The following GFRA4 variants were observed in gnomAD, a reference collection of about 807,000 sequenced individuals.
GFRA4 encodes the protein GDNF family receptor alpha 4.
GFRA4 carries 31 observed loss-of-function variants against 28.5 expected under a neutral mutation model. That is an observed-to-expected ratio of 1.09 (90% CI 0.82 to 1.47). GFRA4 has a LOEUF of 1.47. GFRA4 is among the 40% of genes most tolerant of loss of function. The pLI, the probability that GFRA4 is intolerant of heterozygous loss-of-function variation, is 0.00. For synonymous variants in GFRA4, 188 were observed against 188.0 expected (o/e 1.00, Z 0.00); for missense variants, 389 against 413.2 (o/e 0.94, Z 0.51).
Position 3,660,045 on chromosome 20 carries a change from C to T in GFRA4, c.730-56G>A, listed in dbSNP as rs1054188235. ...GGCAAAAGCCTGTCTCTGCCCTCTGCCTGCACCCCCACCCCAGGCCCTTCA... is the reference window on the plus strand; with the variant it reads ...GGCAAAAGCCTGTCTCTGCCCTCTGTCTGCACCCCCACCCCAGGCCCTTCA... On this transcript the variant is annotated intron_variant, in intron 5 of 5. Coordinates refer to ENST00000290417, the MANE Select transcript of GFRA4 (RefSeq NM_022139.4). The T allele has an allele frequency of 8.5e-6, 13 of 1,520,562 alleles. No individual in the cohort carries two copies. In the African/African-American group the frequency reaches 9.7e-5, roughly 11 times the overall value. 94.2% of individuals were successfully genotyped at this position (1,520,562 alleles called of 1,614,324 possible). A position where few individuals can be genotyped will look rare whatever the true frequency, so the allele number is the denominator to read the frequency against.
chr20:3,660,700 G>A (rs1261903591), intron 3 of GFRA4, 40 bp from the exon 4 acceptor site: 1 of 1,524,622 alleles, frequency 6.6e-7, no homozygotes, highest in African/African-American at 1.4e-5. Context: ...GCCCACCCGG[G>A]CGGAGATATC....
chr20:3,660,463 G>A, intron 4 of GFRA4, 63 bp downstream of exon 4: 1 of 1,474,724 alleles, frequency 6.8e-7, no homozygotes, highest in African/African-American at 1.4e-5. Flanking sequence ...CCAGCCAGGC[G>A]GCTTGGGAGG....
In GFRA4 at chr20:3,663,361, C is replaced by G; in HGVS notation, c.39G>C (p.Leu13=). ...GAAGAGAGGGGCGCTCACCCAGTAA[C>G]AGCAGCAGCAGCAGCGCAGGCCCCA... The part of the protein sequence containing the change: ...RCLGPALLLL[L]LLGSASSVGG... Residue 13 remains leucine, a synonymous_variant, in exon 1 of 6, where the codon CTG becomes CTC. Coordinates refer to ENST00000290417, the MANE Select transcript of GFRA4 (RefSeq NM_022139.4). 1 of 1,584,990 alleles carries G rather than the reference C, an allele frequency of 6.3e-7. No homozygotes were observed. The highest frequency in any genetic ancestry group is 8.6e-7 in the Non-Finnish European group (1 of 1,161,080).
Position 3,659,884 on chromosome 20 carries a change from G to C in GFRA4, c.*25C>G. 1.3e-6 allele frequency: 2 copies of C among 1,571,870 alleles called. No individual in the cohort carries two copies. The highest frequency in any genetic ancestry group is 2.3e-5 in the South Asian group (2 of 85,620). On this transcript the variant is annotated 3_prime_UTR_variant, in exon 6 of 6. Transcript: ENST00000290417. ...GGCAGGCAGGGTGGAGTAGCTGGCT[G>C]TGCTATCCGAGGTCGCTGTCCTAAT...
rs954711399 is a variant in GFRA4, at chr20:3,661,063, G to C, written c.273C>G (p.Pro91=). 6.9e-7 allele frequency: 1 copy of C among 1,446,078 alleles called. No individual in the cohort carries two copies. The highest frequency in any genetic ancestry group is 1.5e-5 in the African/African-American group (1 of 66,866). 89.6% of individuals were successfully genotyped at this position (1,446,078 alleles called of 1,614,324 possible). The change falls in exon 2 of 6, where the codon CCC becomes CCG. Residue 91 remains proline, a synonymous_variant. Coordinates refer to ENST00000290417, the MANE Select transcript of GFRA4 (RefSeq NM_022139.4). ...TCTGGCGCCGACGCTCGGCGCACGC[G>C]GGGCCCGCGCACGGGCAGAAGAGCA... ...HALLFCPCAG[P]ACAERRRQTF...
In GFRA4 at chr20:3,660,814, G is replaced by GGGGCGCT. The variant is rs989331937; in HGVS notation, c.436_442dup (p.Pro148GlnfsTer29). 1.4e-5 allele frequency: 20 copies of GGGGCGCT among 1,416,928 alleles called. No homozygotes were observed. The highest frequency in any genetic ancestry group is 2.2e-4 in the Middle Eastern group (1 of 4,522). The allele number at this position is 1,416,928 out of a possible 1,614,324, so 87.8% of individuals were successfully genotyped here. A position where few individuals can be genotyped will look rare whatever the true frequency, so the allele number is the denominator to read the frequency against. On this transcript the variant is annotated frameshift_variant, in exon 3 of 6. Transcript: ENST00000290417. LOFTEE classifies it high-confidence loss of function. The stretch of plus-strand genomic sequence containing the variant: ...GCCCTGGTCCAGCAGGCAGCCGTCG[G>GGGGCGCT]GGGCGCTGGGCGCTGGGGTGCACGA...
chr20:3,663,363 G>A lies in GFRA4; in HGVS notation c.37C>T (p.Leu13=). 6.3e-7 allele frequency: 1 copy of A among 1,580,590 alleles called. No homozygotes were observed. The change falls in exon 1 of 6, where the codon CTG becomes TTG. Residue 13 remains leucine (L), a synonymous_variant. Coordinates refer to ENST00000290417, the MANE Select transcript of GFRA4 (RefSeq NM_022139.4). ...AGAGAGGGGCGCTCACCCAGTAACAGCAGCAGCAGCAGCGCAGGCCCCAGG... is the reference window on the plus strand; with the variant it reads ...AGAGAGGGGCGCTCACCCAGTAACAACAGCAGCAGCAGCGCAGGCCCCAGG... ...RCLGPALLLL[L]LLGSASSVGG...
chr20:3,660,811 TCGGGGGC>T lies in GFRA4; in HGVS notation c.439_445del (p.Ala147ThrfsTer31). 7.1e-7 allele frequency: 1 copy of T among 1,414,462 alleles called. No individual in the cohort carries two copies. The highest frequency in any genetic ancestry group is 9.1e-7 in the Non-Finnish European group (1 of 1,096,662). The allele number at this position is 1,414,462 out of a possible 1,614,324, so 87.6% of individuals were successfully genotyped here. ...GGCGCCCTGGTCCAGCAGGCAGCCG[TCGGGGGC>T]GCTGGGCGCTGGGGTGCACGAGACC... On this transcript the variant is annotated frameshift_variant, in exon 3 of 6. Coordinates refer to ENST00000290417, the MANE Select transcript of GFRA4 (RefSeq NM_022139.4). LOFTEE classifies it high-confidence loss of function.
rs762243585 is a variant in GFRA4, at chr20:3,660,535, G to C, written c.628C>G (p.Arg210Gly). Residue 210 changes from arginine (R) to glycine (G), a missense_variant, in exon 4 of 6, where the codon CGC becomes GGC. Arg to Gly is a moderately radical substitution (Grantham distance 125, BLOSUM62 -2). Coordinates refer to ENST00000290417, the MANE Select transcript of GFRA4 (RefSeq NM_022139.4). ...CCCCCGGGCCCCTCACCCAAGCAGC[G>C]GTTCCTGGTAAAGAGCCCCCGGAAG... ...EAFRGLFTRN[R>G]CLDGAIQAFA... 6 of 1,504,458 alleles carry C rather than the reference G, an allele frequency of 4.0e-6. No individual in the cohort carries two copies. The South Asian group carries it at 6.0e-5, about 15-fold the overall frequency. 93.2% of individuals were successfully genotyped at this position (1,504,458 alleles called of 1,614,324 possible).
chr20:3,661,491 G>A (rs1474612728), intron 1 of GFRA4, among the ~76,000 whole-genome samples: 2 of 152,204 alleles, frequency 1.3e-5, no homozygotes, highest in Non-Finnish European at 2.9e-5. Flanking sequence ...TCTGCAACAC[G>A]TCAGGGATGG....
chr20:3,660,328 C>G, intron 4 of GFRA4, 79 bp from the exon 5 acceptor site: 1 of 1,237,074 alleles, frequency 8.1e-7, no homozygotes, highest in Non-Finnish European at 1.1e-6. Flanking sequence ...AAGTGAGAGA[C>G]CCCCTGCTGC....
At chr20:3,662,624 C>T (rs560547501) in intron 1 of GFRA4, among the ~76,000 whole-genome samples, 2 of 152,310 alleles carry the variant, frequency 1.3e-5, no homozygotes, top group South Asian at 2.1e-4. Context: ...AGCTCGAGGG[C>T]TTAGAATGGT....
At position 3,660,614 on chromosome 20, in the gene GFRA4, C is replaced by G. The variant is rs754477024; in HGVS notation, c.549G>C (p.Val183=). 7 of 1,551,010 alleles carry G rather than the reference C, an allele frequency of 4.5e-6. No individual in the cohort carries two copies. The South Asian group carries it at 8.3e-5, about 18-fold the overall frequency. The change falls in exon 4 of 6, where the codon GTG becomes GTC. Residue 183 remains valine, a synonymous_variant. Transcript: ENST00000290417. ...TGGCTCCGCAGTCGCACCAGGGCGCCACGCGCGCGCTCACGTTGTCCACGT... is the reference window on the plus strand; with the variant it reads ...TGGCTCCGCAGTCGCACCAGGGCGCGACGCGCGCGCTCACGTTGTCCACGT... ...PNYVDNVSAR[V]APWCDCGASG... is the part of the protein sequence containing the mutation.
chr20:3,661,076 G>T lies in GFRA4; in HGVS notation c.260C>A (p.Pro87Gln), dbSNP rs1194943561. The T allele has an allele frequency of 4.9e-6, 7 of 1,438,460 alleles. No homozygotes were observed. Among genetic ancestry groups the T allele is most frequent in the South Asian group, 4.1e-5 (3 of 74,026 alleles). The allele number at this position is 1,438,460 out of a possible 1,614,324, so 89.1% of individuals were successfully genotyped here. A position where few individuals can be genotyped will look rare whatever the true frequency, so the allele number is the denominator to read the frequency against. Reference protein sequence around the residue: ...PALTHALLFCPCAGPACAERR... With the variant: ...PALTHALLFCQCAGPACAERR... ...CTCGGCGCACGCGGGGCCCGCGCAC[G>T]GGCAGAAGAGCAGTGCGTGGGTGAG... is the stretch of plus-strand genomic sequence containing the variant. Residue 87 changes from proline (P) to glutamine (Q), a missense_variant, in exon 2 of 6, where the codon CCG becomes CAG. Transcript: ENST00000290417.
In GFRA4 at chr20:3,661,255, C is replaced by A; in HGVS notation, c.81G>T (p.Val27=). The A allele has an allele frequency of 6.7e-7, 1 of 1,498,810 alleles. No homozygotes were observed. Among genetic ancestry groups the A allele is most frequent in the South Asian group, 1.2e-5 (1 of 81,262 alleles). 92.8% of individuals were successfully genotyped at this position (1,498,810 alleles called of 1,614,324 possible). A position where few individuals can be genotyped will look rare whatever the true frequency, so the allele number is the denominator to read the frequency against. Residue 27 remains valine (V), a synonymous_variant, in exon 2 of 6, where the codon GTG becomes GTT. Transcript: ENST00000290417. ...CCGCCGTGCAGGCTTCGGCCGCGTC[C>A]ACACATCGGTTCCCTCCGACCGAGC... The part of the protein sequence containing the change: ...SASSVGGNRC[V]DAAEACTADA...
Position 3,661,270 on chromosome 20 carries a change from TCCGA to T in GFRA4, c.62_65del (p.Val21GlufsTer100), listed in dbSNP as rs2087222380. ...CGGCCGCGTCCACACATCGGTTCCC[TCCGA>T]CCGAGCTCGCCGACCCTGGGAAAGG... On this transcript the variant is annotated frameshift_variant, in exon 2 of 6. Coordinates refer to ENST00000290417, the MANE Select transcript of GFRA4 (RefSeq NM_022139.4). LOFTEE classifies it high-confidence loss of function. 1 of 1,480,694 alleles carries T rather than the reference TCCGA, an allele frequency of 6.8e-7. No individual in the cohort carries two copies. 91.7% of individuals were successfully genotyped at this position (1,480,694 alleles called of 1,614,324 possible). A position where few individuals can be genotyped will look rare whatever the true frequency, so the allele number is the denominator to read the frequency against.
At position 3,661,097 on chromosome 20, in the gene GFRA4, G is replaced by A; in HGVS notation, c.239C>T (p.Thr80Ile). Residue 80 changes from threonine to isoleucine, a missense_variant, in exon 2 of 6, where the codon ACC becomes ATC. Coordinates refer to ENST00000290417, the MANE Select transcript of GFRA4 (RefSeq NM_022139.4). The part of the protein sequence containing the change: ...RFFARGPPAL[T>I]HALLFCPCAG... ...GCACGGGCAGAAGAGCAGTGCGTGG[G>A]TGAGCGCGGGCGGCCCGCGGGCGAA... is the stretch of plus-strand genomic sequence containing the variant. 2 of 1,329,264 alleles carry A rather than the reference G, an allele frequency of 1.5e-6. No individual in the cohort carries two copies. The highest frequency in any genetic ancestry group is 1.9e-6 in the Non-Finnish European group (2 of 1,048,280). The allele number at this position is 1,329,264 out of a possible 1,614,324, so 82.3% of individuals were successfully genotyped here.
In GFRA4 at chr20:3,659,802, G is replaced by T; in HGVS notation, c.*107C>A. The T allele has an allele frequency of 9.1e-7, 1 of 1,103,992 alleles. No homozygotes were observed. The highest frequency in any genetic ancestry group is 1.3e-6 in the Non-Finnish European group (1 of 755,988). 68.4% of individuals were successfully genotyped at this position (1,103,992 alleles called of 1,614,324 possible). On this transcript the variant is annotated 3_prime_UTR_variant, in exon 6 of 6. Coordinates refer to ENST00000290417, the MANE Select transcript of GFRA4 (RefSeq NM_022139.4). ...CAGCGGAGTGAAAGCACCAGGGCCG[G>T]CTTGGGGGGTAAGCCAGCCCCTTCT... is the stretch of plus-strand genomic sequence containing the variant.
chr20:3,660,274 G>A (rs1326065694), intron 4 of GFRA4, 25 bp from the exon 5 acceptor site: 1 of 1,570,004 alleles, frequency 6.4e-7, no homozygotes, highest in Admixed American at 1.8e-5. Flanking sequence ...GTCCAGGGTG[G>A]ACTTAGCTGG....
Sources: allele counts gnomAD v4.1 joint callset (sites outside exome capture counted in the v4.1 genomes callset), GRCh38; gene constraint gnomAD v4.1.1; transcripts MANE v1.5; gene names NCBI Gene and HGNC (gene_info 2026-07-23, HGNC 2026-07-21).